Variants in ARL8B observed in about 807,000 individuals in gnomAD.
ARL8B encodes ADP-ribosylation factor-like protein 8B.
A neutral mutation model predicts 30.6 loss-of-function variants in ARL8B; 9 were observed. The ratio of observed to expected loss-of-function variants is 0.29; its 90% CI spans 0.18 to 0.51. The LOEUF (loss-of-function observed/expected upper bound fraction) is 0.51, where lower values mean the gene tolerates loss of function less well. Ranked by LOEUF, ARL8B falls within the 20% of genes least tolerant of loss-of-function variation. ARL8B has a pLI of 0.97. For missense variants in ARL8B, 130 were observed against 227.2 expected, an observed-to-expected ratio of 0.57 and a Z score of 2.75; for synonymous variants, 74 against 76.0, an observed-to-expected ratio of 0.97 and a Z score of 0.14.
At chr3:5,126,419 AGCT>A (rs1328977603) in intron 1 of ARL8B, among the ~76,000 whole-genome samples, 1 of 152,216 alleles carries the variant, frequency 6.6e-6, no homozygotes, top group African/African-American at 2.4e-5. Flanking sequence ...AGGTATGAAA[AGCT>A]TCAGCTGAAG....
At chr3:5,146,601 G>A (rs982317144) in intron 1 of ARL8B, among the ~76,000 whole-genome samples, 1 of 152,030 alleles carries the variant, frequency 6.6e-6, no homozygotes, top group Admixed American at 6.6e-5. Flanking sequence ...GGATTATTTT[G>A]TCTTTCTTCC....
In ARL8B at chr3:5,169,305, T is replaced by TTGTGTGTG. The variant is rs10575722; in HGVS notation, c.124-1167_124-1160dup. 5.7e-4 allele frequency among the ~76,000 whole-genome samples: 82 copies of TTGTGTGTG among 142,972 alleles called. 1 individual carries two copies. In the East Asian group the frequency reaches 7.3e-3, roughly 13 times the overall value. 93.8% of individuals were successfully genotyped at this position (142,972 alleles called of 152,430 possible). On this transcript the variant is annotated intron_variant, in intron 1 of 6. Coordinates refer to ENST00000256496, the MANE Select transcript of ARL8B (RefSeq NM_018184.3). The stretch of plus-strand genomic sequence containing the variant: ...TACCTCATAAAGTGAAATACAGTGT[T>TTGTGTGTG]TGTGTGTGTGTGTGTGTGTGTGTGT...
chr3:5,145,319 G>T (rs1385086027), intron 1 of ARL8B, among the ~76,000 whole-genome samples: 2 of 151,990 alleles, frequency 1.3e-5, no homozygotes, highest in Non-Finnish European at 1.5e-5. Flanking sequence ...TCATATTTTA[G>T]AATCTGAGAA....
intron 1 of ARL8B, among the ~76,000 whole-genome samples, chr3:5,156,144 C>G (rs1393542047): frequency 6.6e-6 from 1 of 152,128 alleles, no homozygotes; most frequent in Non-Finnish European, 1.5e-5. Flanking sequence ...CTCAAGTGAT[C>G]TGCCTGCCTC....
chr3:5,127,252 G>C (rs1021578847), intron 1 of ARL8B, among the ~76,000 whole-genome samples: 4 of 152,220 alleles, frequency 2.6e-5, no homozygotes, highest in Non-Finnish European at 5.9e-5. Context: ...ATTAGAATCT[G>C]GGGCCAGTGT....
chr3:5,141,560 C>A (rs1240326238), intron 1 of ARL8B, among the ~76,000 whole-genome samples: 1 of 152,182 alleles, frequency 6.6e-6, no homozygotes, highest in Non-Finnish European at 1.5e-5. Flanking sequence ...AGGATTGAAG[C>A]CACCATGCCT....
chr3:5,156,478 A>G (rs55914972), intron 1 of ARL8B, among the ~76,000 whole-genome samples: 2,124 of 151,172 alleles, frequency 0.014, 26 homozygotes, highest in Middle Eastern at 0.024. Context: ...GTGCAGTGGC[A>G]CGATCCTGTC....
At chr3:5,169,446 T>G (rs1056411686) in intron 1 of ARL8B, among the ~76,000 whole-genome samples, 1 of 152,092 alleles carries the variant, frequency 6.6e-6, no homozygotes, top group Non-Finnish European at 1.5e-5. Flanking sequence ...AATTCTATTT[T>G]TAGGTTTTTC....
At chr3:5,144,865 A>G (rs186388539) in intron 1 of ARL8B, among the ~76,000 whole-genome samples, 1 of 152,242 alleles carries the variant, frequency 6.6e-6, no homozygotes, top group African/African-American at 2.4e-5. Context: ...TTCCCCTGCT[A>G]TTTATTAGGC....
intron 1 of ARL8B, among the ~76,000 whole-genome samples, chr3:5,130,826 A>G (rs2054276829): frequency 6.6e-6 from 1 of 152,154 alleles, no homozygotes; most frequent in Non-Finnish European, 1.5e-5. Flanking sequence ...CTATGAACCT[A>G]TATTCTTACT....
At chr3:5,172,355 G>A (rs143637125) in intron 3 of ARL8B, 132 bp downstream of exon 3, 272 of 790,352 alleles carry the variant, frequency 3.4e-4, no homozygotes, top group Non-Finnish European at 5.0e-4. Context: ...ATATCCTAGT[G>A]TAATTCCCAA....
intron 1 of ARL8B, among the ~76,000 whole-genome samples, chr3:5,163,852 A>G (rs2054602453): frequency 6.6e-6 from 1 of 152,274 alleles, no homozygotes; most frequent in Admixed American, 6.5e-5. Context: ...CCTGGGCGAC[A>G]GGAGCAAAAC....
At chr3:5,125,199 A>C in intron 1 of ARL8B, among the ~76,000 whole-genome samples, 1 of 152,174 alleles carries the variant, frequency 6.6e-6, no homozygotes, top group East Asian at 1.9e-4. Flanking sequence ...TAGGGATTAA[A>C]TGACATGAAA....
In ARL8B at chr3:5,170,522, A is replaced by G; in HGVS notation, c.143A>G (p.Asp48Gly). 2.5e-6 allele frequency: 4 copies of G among 1,612,794 alleles called. No individual in the cohort carries two copies. The highest frequency in any genetic ancestry group is 3.4e-6 in the Non-Finnish European group (4 of 1,179,276). The change falls in exon 2 of 7, where the codon GAT (aspartate) becomes GGT (glycine). Residue 48 changes from aspartate to glycine, a missense_variant. By Grantham distance (94) the Asp-to-Gly change is moderately conservative. Coordinates refer to ENST00000256496, the MANE Select transcript of ARL8B (RefSeq NM_018184.3). ...GTTCAGTCAGGTCAATTCAGTGAAG[A>G]TATGATACCCACAGTGGGCTTCAAC... ...NVIASGQFSE[D>G]MIPTVGFNMR...
chr3:5,136,472 G>A (rs112474796), intron 1 of ARL8B, among the ~76,000 whole-genome samples: 31 of 152,040 alleles, frequency 2.0e-4, no homozygotes, highest in African/African-American at 6.8e-4. Flanking sequence ...TAATTCTTCC[G>A]CCTCCTGTCA....
chr3:5,138,297 T>C (rs1575561645), intron 1 of ARL8B, among the ~76,000 whole-genome samples: 1 of 152,086 alleles, frequency 6.6e-6, no homozygotes, highest in Non-Finnish European at 1.5e-5. Context: ...TAACATTGAC[T>C]TCAAGCTTTT....
chr3:5,150,269 CCTGA>C (rs1273838165), intron 1 of ARL8B, among the ~76,000 whole-genome samples: 1 of 151,920 alleles, frequency 6.6e-6, no homozygotes, highest in Admixed American at 6.6e-5. Flanking sequence ...TCAAGACCAG[CCTGA>C]CTAACATGGT....
Position 5,144,858 on chromosome 3 carries a change from C to T in ARL8B, c.123+22270C>T, listed in dbSNP as rs145121007. Reference sequence around the variant, plus strand: ...AGTTCCCCATGTACCAATTCTTTTCCCCTGCTATTTATTAGGCCCTGCACT... The same window carrying T: ...AGTTCCCCATGTACCAATTCTTTTCTCCTGCTATTTATTAGGCCCTGCACT... On this transcript the variant is annotated intron_variant, in intron 1 of 6. Transcript: ENST00000256496. 3.9e-3 allele frequency among the ~76,000 whole-genome samples: 598 copies of T among 152,274 alleles called. 1 individual carries two copies. The highest frequency in any genetic ancestry group is 5.2e-3 in the Non-Finnish European group (356 of 68,018).
At chr3:5,169,671 A>C (rs756517171) in intron 1 of ARL8B, among the ~76,000 whole-genome samples, 18 of 151,716 alleles carry the variant, frequency 1.2e-4, no homozygotes, top group Non-Finnish European at 2.5e-4. Flanking sequence ...TCTTTTCATG[A>C]GTTCATTGGC....
Sources: allele counts gnomAD v4.1 joint callset (sites outside exome capture counted in the v4.1 genomes callset), GRCh38; gene constraint gnomAD v4.1.1; transcripts MANE v1.5; gene names NCBI Gene and HGNC (gene_info 2026-07-23, HGNC 2026-07-21).